The following PALLD variants were observed in gnomAD, a reference collection of about 807,000 sequenced individuals.
PALLD encodes the protein palladin.
PALLD carries 61 observed loss-of-function variants against 123.5 expected under a neutral mutation model. The ratio of observed to expected loss-of-function variants is 0.49; its 90% confidence interval spans 0.40 to 0.61. The LOEUF (loss-of-function observed/expected upper bound fraction) is 0.61, where lower values mean the gene tolerates loss of function less well. Among genes scored for constraint, PALLD ranks in the 20% least tolerant of loss-of-function variants. The probability of loss-of-function intolerance (pLI) is 0.00; values close to 1 mark genes in which losing one functional copy is unlikely to be tolerated. For synonymous variants in PALLD, 465 were observed against 496.4 expected (o/e 0.94, Z 0.84); for missense variants, 1,273 against 1,377.0 (o/e 0.92, Z 1.20).
chr4:168,769,663 T>C (rs6854026), intron 10 of PALLD, among the ~76,000 whole-genome samples: 78,003 of 151,646 alleles, frequency 0.51, 20,116 homozygotes, highest in Admixed American at 0.61. Flanking sequence ...TTCTTGAGAA[T>C]GCTAACCCTG....
exon 22 of PALLD, chr4:168,928,438 AAAAT>A (rs1762830002): frequency 5.6e-6 from 1 of 178,718 alleles, no homozygotes; most frequent in East Asian, 9.4e-5. Flanking sequence ...TTTGTGAAGC[AAAAT>A]AAATATTCAG....
At chr4:168,759,552 C>T (rs1181024084) in intron 10 of PALLD, among the ~76,000 whole-genome samples, 1 of 152,016 alleles carries the variant, frequency 6.6e-6, no homozygotes, top group Non-Finnish European at 1.5e-5. Context: ...CCCACCCATC[C>T]ATCCTTTCTT....
intron 8 of PALLD, among the ~76,000 whole-genome samples, chr4:168,707,290 A>G (rs1784319601): frequency 6.6e-6 from 1 of 152,242 alleles, no homozygotes; most frequent in Admixed American, 6.5e-5. Flanking sequence ...AGCAGCAACC[A>G]TAATTCGGTG....
intron 1 of PALLD, among the ~76,000 whole-genome samples, chr4:168,505,168 C>T (rs1007502153): frequency 1.3e-5 from 2 of 152,214 alleles, no homozygotes; most frequent in Non-Finnish European, 2.9e-5. Context: ...AGACCACGTG[C>T]ATGTTCCCGC....
At chr4:168,826,026 A>G (rs774477382) in intron 10 of PALLD, among the ~76,000 whole-genome samples, 1 of 152,222 alleles carries the variant, frequency 6.6e-6, no homozygotes, top group Non-Finnish European at 1.5e-5. Context: ...CTTATGTAGG[A>G]TAAGTTCAAA....
chr4:168,795,047 G>A (rs765202396), intron 10 of PALLD, among the ~76,000 whole-genome samples: 3 of 152,102 alleles, frequency 2.0e-5, no homozygotes, highest in Non-Finnish European at 2.9e-5. Context: ...GTGCTCATGC[G>A]GTGGAAGGGA....
At chr4:168,611,211 T>G (rs1400795656) in intron 2 of PALLD, among the ~76,000 whole-genome samples, 1 of 152,236 alleles carries the variant, frequency 6.6e-6, no homozygotes, top group South Asian at 2.1e-4. Flanking sequence ...CTCTGCCATT[T>G]GCTCAGGTTT....
At chr4:168,585,946 CT>C (rs912378547) in intron 2 of PALLD, among the ~76,000 whole-genome samples, 7 of 152,112 alleles carry the variant, frequency 4.6e-5, no homozygotes, top group African/African-American at 1.4e-4. Context: ...AGATAAACTT[CT>C]TTCCCTCAAA....
chr4:168,552,118 G>C lies in PALLD; in HGVS notation c.908+39706G>C, dbSNP rs147501379. ...GGCCCAATTTAAAGATGTGAAAACT[G>C]AGTCTCAGAGATGTTAGTTTAAGTC... On this transcript the variant is annotated intron_variant, in intron 2 of 21. Transcript: ENST00000505667. Among the ~76,000 whole-genome samples the C allele has an allele frequency of 2.6e-3, 389 of 152,266 alleles. 5 individuals are homozygous for C. Among genetic ancestry groups the C allele is most frequent in the African/African-American group, 5.3e-3 (219 of 41,538 alleles).
At chr4:168,529,904 T>C (rs556202183) in intron 2 of PALLD, among the ~76,000 whole-genome samples, 2 of 152,354 alleles carry the variant, frequency 1.3e-5, no homozygotes, top group South Asian at 4.1e-4. Context: ...TTTATTTTCA[T>C]TTTAATGAAA....
rs1268721099 is a variant in PALLD at position 168,927,352 on chromosome 4, A to ACAAGT, written c.*1177_*1181dup. ...ATAGGTGAAAAAAACACTGCCATTC[A>ACAAGT]CAAGTCAAGGAACCCAGGGCCAGCT... On this transcript the variant is annotated 3_prime_UTR_variant, in exon 22 of 22. Coordinates refer to ENST00000505667, the MANE Select transcript of PALLD (RefSeq NM_001166108.2). 1 of 232,734 alleles carries ACAAGT rather than the reference A, an allele frequency of 4.3e-6. No individual in the cohort carries two copies. The highest frequency in any genetic ancestry group is 8.5e-6 in the Non-Finnish European group (1 of 117,554). The allele number at this position is 232,734 out of a possible 1,614,324, so 14.4% of individuals were successfully genotyped here.
intron 10 of PALLD, among the ~76,000 whole-genome samples, chr4:168,750,178 C>T (rs1730864913): frequency 6.6e-6 from 1 of 152,028 alleles, no homozygotes; most frequent in Admixed American, 6.6e-5. Flanking sequence ...AACTCCTGAC[C>T]TCAAGTGATT....
chr4:168,840,057 C>T (rs1005692018), intron 10 of PALLD, among the ~76,000 whole-genome samples: 1 of 152,040 alleles, frequency 6.6e-6, no homozygotes, highest in African/African-American at 2.4e-5. Flanking sequence ...GCTTCATTTT[C>T]TATTTGTCTT....
chr4:168,514,953 C>T (rs535516670), intron 2 of PALLD, among the ~76,000 whole-genome samples: 1 of 152,322 alleles, frequency 6.6e-6, no homozygotes, highest in East Asian at 1.9e-4. Flanking sequence ...TAGTTAGTAT[C>T]TGCAGTATTA....
At chr4:168,796,349 G>A (rs972873357) in intron 10 of PALLD, among the ~76,000 whole-genome samples, 1 of 152,200 alleles carries the variant, frequency 6.6e-6, no homozygotes, top group Non-Finnish European at 1.5e-5. Context: ...TTCTGATGAT[G>A]CTTTCTCAGA....
At chr4:168,510,335 C>T (rs1762417636) in intron 1 of PALLD, among the ~76,000 whole-genome samples, 1 of 152,166 alleles carries the variant, frequency 6.6e-6, no homozygotes, top group Admixed American at 6.5e-5. Context: ...GTGTTCTATG[C>T]CAGGCCTCTA....
chr4:168,893,685 T>C (rs1754520131), intron 11 of PALLD, among the ~76,000 whole-genome samples: 1 of 152,184 alleles, frequency 6.6e-6, no homozygotes, highest in South Asian at 2.1e-4. Context: ...AACCTGTAAG[T>C]CTAAGGCACT....
At chr4:168,897,856 G>GTCAGTCCTATTTTT (rs1755560025) in intron 13 of PALLD, 1 of 151,178 alleles carries the variant, frequency 6.6e-6, no homozygotes, top group African/African-American at 2.4e-5. Flanking sequence ...TGGCTAGACT[G>GTCAGTCCTATTTTT]TCAGTCCTAT....
rs146673671 is a variant in PALLD at position 168,790,254 on chromosome 4, C to T, written c.1964+78331C>T. ...TCAGCTCACTGCAACCACCACCTCC[C>T]GGGTTCAAGCCATTCTCCTGCCTCA... On this transcript the variant is annotated intron_variant, in intron 10 of 21. Transcript: ENST00000505667. Among the ~76,000 whole-genome samples, 1,283 of 151,940 alleles carry T rather than the reference C, an allele frequency of 8.4e-3. 61 individuals carry two copies. The East Asian group carries it at 0.16, about 19-fold the overall frequency.
Sources: allele counts gnomAD v4.1 joint callset (sites outside exome capture counted in the v4.1 genomes callset), GRCh38; gene constraint gnomAD v4.1.1; transcripts MANE v1.5; gene names NCBI Gene and HGNC (gene_info 2026-07-23, HGNC 2026-07-21).